Variants in TTLL5 observed in about 807,000 individuals in gnomAD.
The protein encoded by TTLL5 is tubulin tyrosine ligase like 5, also known as tubulin polyglutamylase TTLL5.
TTLL5 carries 132 observed loss-of-function variants against 168.4 expected under a neutral mutation model. The observed-to-expected ratio is 0.78, with a 90% CI of 0.68 to 0.91. The LOEUF (loss-of-function observed/expected upper bound fraction) is 0.91, where lower values mean the gene tolerates loss of function less well. Among genes scored for constraint, TTLL5 ranks in the 40% least tolerant of loss-of-function variants. TTLL5 has a pLI of 0.00. For missense variants in TTLL5, 1,545 were observed against 1,581.5 expected, an observed-to-expected ratio of 0.98 and a Z score of 0.39; for synonymous variants, 546 against 558.6, an observed-to-expected ratio of 0.98 and a Z score of 0.32.
intron 18 of TTLL5, among the ~76,000 whole-genome samples, chr14:75,759,795 CA>C (rs1890514105): frequency 6.6e-6 from 1 of 151,836 alleles, no homozygotes; most frequent in African/African-American, 2.4e-5. Flanking sequence ...TTAGATATCC[CA>C]AAAAAGCAAC....
Position 75,870,486 on chromosome 14 carries a change from C to G in TTLL5, c.3522+6624C>G, listed in dbSNP as rs372164796. Among the ~76,000 whole-genome samples, 109 of 152,258 alleles carry G rather than the reference C, an allele frequency of 7.2e-4. 1 individual carries two copies. The South Asian group carries it at 0.022, about 30-fold the overall frequency. On this transcript the variant is annotated intron_variant, in intron 29 of 31. Transcript: ENST00000298832. ...CAATCTTGGAAATGCCCATCCTTTA[C>G]CCTCCCTTGTACTTTTATTAAGTAA...
rs1555353208 is a variant in TTLL5 at position 75,874,933 on chromosome 14, C to CTTTTTTTTTT, written c.3523-7743_3523-7734dup. On this transcript the variant is annotated intron_variant, in intron 29 of 31. Transcript: ENST00000298832. ...AGAGAAAAAAAAAGACACTGGGGGC[C>CTTTTTTTTTT]TTTTTTTTTTTTTTTTTTGAGACGG... is the stretch of plus-strand genomic sequence containing the variant. Among the ~76,000 whole-genome samples the CTTTTTTTTTT allele has an allele frequency of 1.8e-3, 175 of 97,504 alleles. 2 individuals carry two copies. The highest frequency in any genetic ancestry group is 6.1e-3 in the South Asian group (17 of 2,802). The allele number at this position is 97,504 out of a possible 152,430, so 64.0% of individuals were successfully genotyped here.
At chr14:75,664,815 A>G (rs1266578341) in intron 2 of TTLL5, among the ~76,000 whole-genome samples, 1 of 152,198 alleles carries the variant, frequency 6.6e-6, no homozygotes, top group African/African-American at 2.4e-5. Flanking sequence ...TGCTGCAAGT[A>G]TCAGTCTTTC....
At chr14:75,749,029 A>C (rs772881374) in intron 17 of TTLL5, among the ~76,000 whole-genome samples, 16 of 152,218 alleles carry the variant, frequency 1.1e-4, no homozygotes, top group Non-Finnish European at 1.9e-4. Context: ...AGCTGTTCAT[A>C]GAGAAATCGT....
At chr14:75,934,030 A>G (rs557643481) in intron 31 of TTLL5, among the ~76,000 whole-genome samples, 4 of 152,332 alleles carry the variant, frequency 2.6e-5, no homozygotes, top group South Asian at 2.1e-4. Context: ...TTAGTATGTG[A>G]CATTTTGTTA....
At chr14:75,752,500 A>G (rs765804466) in intron 17 of TTLL5, among the ~76,000 whole-genome samples, 1 of 152,196 alleles carries the variant, frequency 6.6e-6, no homozygotes, top group Non-Finnish European at 1.5e-5. Flanking sequence ...ACAGTCTCTT[A>G]TCTACATTTT....
intron 1 of TTLL5, 101 bp from the exon 2 acceptor site, chr14:75,662,954 A>G (rs1198668373): frequency 3.1e-5 from 21 of 679,640 alleles, no homozygotes; most frequent in South Asian, 2.5e-4. Context: ...CTGTTTAGGA[A>G]TATAGTCATT....
intron 27 of TTLL5, among the ~76,000 whole-genome samples, chr14:75,807,689 G>C (rs1353156118): frequency 6.6e-6 from 1 of 152,194 alleles, no homozygotes; most frequent in African/African-American, 2.4e-5. Flanking sequence ...ACTCAGCTCT[G>C]TCTGACTCTG....
chr14:75,682,561 G>A (rs1182817517), intron 4 of TTLL5, among the ~76,000 whole-genome samples: 1 of 152,096 alleles, frequency 6.6e-6, no homozygotes, highest in East Asian at 1.9e-4. Flanking sequence ...TGCAGGAGGG[G>A]ATGGGTGGGT....
At position 75,719,516 on chromosome 14, in the gene TTLL5, T is replaced by TCA. The variant is rs1887708318; in HGVS notation, c.843-219_843-218insCA. 2.0e-5 allele frequency among the ~76,000 whole-genome samples: 3 copies of TCA among 152,132 alleles called. No homozygotes were observed. The South Asian group carries it at 6.2e-4, about 32-fold the overall frequency. On this transcript the variant is annotated intron_variant, in intron 10 of 31. Transcript: ENST00000298832. ...ATTTGCCGCCTTCTTCCCCACCCTC[T>TCA]TGAAAAAGGCAAACTGTATGCATTT...
At chr14:75,698,302 A>G (rs1886010742) in intron 6 of TTLL5, among the ~76,000 whole-genome samples, 1 of 152,232 alleles carries the variant, frequency 6.6e-6, no homozygotes, top group Admixed American at 6.5e-5. Flanking sequence ...CCAAAGGGAT[A>G]TAAAGTGTAA....
chr14:75,864,205 G>T (rs2030310115), intron 29 of TTLL5, among the ~76,000 whole-genome samples: 1 of 152,138 alleles, frequency 6.6e-6, no homozygotes, highest in Non-Finnish European at 1.5e-5. Flanking sequence ...CTGAAAGCTT[G>T]TATTTTAAGC....
chr14:75,887,643 A>G (rs2032186559), intron 30 of TTLL5, among the ~76,000 whole-genome samples: 1 of 152,206 alleles, frequency 6.6e-6, no homozygotes, highest in South Asian at 2.1e-4. Flanking sequence ...ACTGGAACTT[A>G]TATGACCCGC....
intron 3 of TTLL5, among the ~76,000 whole-genome samples, chr14:75,676,637 G>A (rs1259340966): frequency 6.6e-6 from 1 of 152,088 alleles, no homozygotes; most frequent in Non-Finnish European, 1.5e-5. Context: ...TAGGTGATAT[G>A]GATTAGAAGT....
chr14:75,867,372 C>T (rs1413131152), intron 29 of TTLL5, among the ~76,000 whole-genome samples: 1 of 152,150 alleles, frequency 6.6e-6, no homozygotes, highest in South Asian at 2.1e-4. Flanking sequence ...TAGGCAGAAT[C>T]CTCCCTTTTT....
At chr14:75,757,675 A>C (rs1160091857) in intron 18 of TTLL5, among the ~76,000 whole-genome samples, 2 of 152,142 alleles carry the variant, frequency 1.3e-5, no homozygotes, top group South Asian at 4.1e-4. Flanking sequence ...GAATGTTCTC[A>C]ATTTATCTGT....
intron 29 of TTLL5, among the ~76,000 whole-genome samples, chr14:75,873,975 A>G (rs1218547584): frequency 2.0e-5 from 3 of 152,230 alleles, no homozygotes; most frequent in Non-Finnish European, 4.4e-5. Context: ...ATAGTTACTT[A>G]CTTGAACAAT....
At chr14:75,937,643 A>T (rs1022862114) in intron 31 of TTLL5, among the ~76,000 whole-genome samples, 7 of 152,120 alleles carry the variant, frequency 4.6e-5, no homozygotes, top group African/African-American at 1.7e-4. Flanking sequence ...TGACTGGCTT[A>T]TTTCACTTAG....
chr14:75,827,594 C>T (rs552687399), intron 28 of TTLL5, among the ~76,000 whole-genome samples: 13 of 150,926 alleles, frequency 8.6e-5, no homozygotes, highest in Middle Eastern at 3.4e-3. Flanking sequence ...TTGGACCATT[C>T]GTATGCTTCA....
Sources: allele counts gnomAD v4.1 joint callset (sites outside exome capture counted in the v4.1 genomes callset), GRCh38; gene constraint gnomAD v4.1.1; transcripts MANE v1.5; gene names NCBI Gene and HGNC (gene_info 2026-07-23, HGNC 2026-07-21).